The following MPPED1 variants were observed in gnomAD, a reference collection of about 807,000 sequenced individuals.
MPPED1 encodes the protein metallophosphoesterase domain containing 1, also known as metallophosphoesterase domain-containing protein 1.
In MPPED1, 16 loss-of-function variants were observed where a neutral mutation model predicts 36.2. That is an observed-to-expected ratio of 0.44 (90% CI 0.30 to 0.67). MPPED1 has a LOEUF of 0.67. Ranked by LOEUF, MPPED1 falls within the 30% of genes least tolerant of loss-of-function variation. The pLI is 0.10. For synonymous variants in MPPED1, 199 were observed against 191.3 expected (o/e 1.04, Z -0.33); for missense variants, 307 against 453.4 (o/e 0.68, Z 2.93).
chr22:43,484,448 G>A (rs1931847492), intron 4 of MPPED1, among the ~76,000 whole-genome samples: 1 of 152,184 alleles, frequency 6.6e-6, no homozygotes, highest in Non-Finnish European at 1.5e-5. Flanking sequence ...TGTTCTGGCA[G>A]CTGTTGCCTG....
chr22:43,415,885 G>A (rs1929062486), intron 1 of MPPED1, among the ~76,000 whole-genome samples: 2 of 152,216 alleles, frequency 1.3e-5, no homozygotes, highest in African/African-American at 4.8e-5. Context: ...TGCACACGAA[G>A]AGACTTTTGG....
chr22:43,412,849 T>G (rs1028593858), intron 1 of MPPED1, among the ~76,000 whole-genome samples: 1 of 152,248 alleles, frequency 6.6e-6, no homozygotes, highest in African/African-American at 2.4e-5. Flanking sequence ...GTGTTTGTTC[T>G]GGGACATGTT....
At chr22:43,425,753 G>C (rs1929446063) in intron 2 of MPPED1, among the ~76,000 whole-genome samples, 2 of 152,222 alleles carry the variant, frequency 1.3e-5, no homozygotes, top group African/African-American at 4.8e-5. Flanking sequence ...CCTTCCTTTT[G>C]TCCAGACCCT....
chr22:43,415,495 A>G (rs1456426950), intron 1 of MPPED1, among the ~76,000 whole-genome samples: 2 of 141,182 alleles, frequency 1.4e-5, no homozygotes, highest in Admixed American at 7.7e-5. Flanking sequence ...GCCCAATTTC[A>G]TAAAAAAATC....
At chr22:43,441,407 C>T (rs566391095) in intron 3 of MPPED1, among the ~76,000 whole-genome samples, 3 of 152,330 alleles carry the variant, frequency 2.0e-5, no homozygotes, top group African/African-American at 7.2e-5. Context: ...GCCTACTGGC[C>T]TCCCTTCCTC....
intron 3 of MPPED1, among the ~76,000 whole-genome samples, chr22:43,444,856 C>G (rs1930280660): frequency 6.6e-6 from 1 of 152,046 alleles, no homozygotes; most frequent in East Asian, 1.9e-4. Context: ...TTGTTTATAT[C>G]TCATTTTGTG....
At chr22:43,439,013 C>T (rs905975628) in intron 3 of MPPED1, among the ~76,000 whole-genome samples, 21 of 152,222 alleles carry the variant, frequency 1.4e-4, no homozygotes, top group African/African-American at 4.8e-4. Context: ...TTCTGGGAGC[C>T]ACCTCCAGAC....
intron 3 of MPPED1, among the ~76,000 whole-genome samples, chr22:43,457,473 T>C (rs926221327): frequency 6.6e-6 from 1 of 152,154 alleles, no homozygotes; most frequent in African/African-American, 2.4e-5. Context: ...ATCTCTGCCT[T>C]CTTTTGACTG....
At chr22:43,499,029 T>C (rs1435016370) in intron 5 of MPPED1, among the ~76,000 whole-genome samples, 1 of 151,580 alleles carries the variant, frequency 6.6e-6, no homozygotes, top group Non-Finnish European at 1.5e-5. Flanking sequence ...CTCTCTCCCA[T>C]GGTCATGGTG....
At chr22:43,473,600 G>C (rs1437671391) in intron 3 of MPPED1, among the ~76,000 whole-genome samples, 1 of 152,186 alleles carries the variant, frequency 6.6e-6, no homozygotes, top group Non-Finnish European at 1.5e-5. Flanking sequence ...AGGGCTTACA[G>C]GTACCATCTT....
intron 4 of MPPED1, among the ~76,000 whole-genome samples, chr22:43,485,121 C>T (rs1183916297): frequency 1.3e-5 from 2 of 152,052 alleles, no homozygotes; most frequent in Non-Finnish European, 2.9e-5. Flanking sequence ...CATGTACACA[C>T]AATATCATGT....
At chr22:43,441,381 G>T (rs1302519627) in intron 3 of MPPED1, among the ~76,000 whole-genome samples, 1 of 152,132 alleles carries the variant, frequency 6.6e-6, no homozygotes, top group Non-Finnish European at 1.5e-5. Context: ...AGCTGCTGTG[G>T]GTGCTCTGTG....
intron 3 of MPPED1, among the ~76,000 whole-genome samples, chr22:43,449,364 G>C (rs1930476922): frequency 6.6e-6 from 1 of 152,178 alleles, no homozygotes; most frequent in Admixed American, 6.5e-5. Flanking sequence ...AGGTCTCCAG[G>C]GCAGGGATCT....
At chr22:43,476,726 C>T (rs1030431840) in intron 4 of MPPED1, among the ~76,000 whole-genome samples, 2 of 152,124 alleles carry the variant, frequency 1.3e-5, no homozygotes, top group African/African-American at 4.8e-5. Context: ...TCACGATGTA[C>T]AGGGTCTTGG....
intron 3 of MPPED1, among the ~76,000 whole-genome samples, chr22:43,456,025 T>C (rs1016550494): frequency 9.9e-5 from 15 of 152,244 alleles, no homozygotes; most frequent in African/African-American, 3.6e-4. Flanking sequence ...TTGTAGCTTG[T>C]GGTGGCTGTT....
At chr22:43,442,636 G>C (rs1159702857) in intron 3 of MPPED1, among the ~76,000 whole-genome samples, 1 of 152,190 alleles carries the variant, frequency 6.6e-6, no homozygotes, top group Admixed American at 6.5e-5. Context: ...CAGGCCTCAT[G>C]CTGGCTCTGT....
intron 1 of MPPED1, chr22:43,418,193 C>A (rs1238573804): frequency 2.2e-6 from 1 of 456,120 alleles, no homozygotes; most frequent in Admixed American, 2.3e-5. Flanking sequence ...CAAACGAGAG[C>A]ACTTTCGAGA....
chr22:43,413,893 C>T (rs1928991157), intron 1 of MPPED1, among the ~76,000 whole-genome samples: 1 of 152,276 alleles, frequency 6.6e-6, no homozygotes, highest in East Asian at 1.9e-4. Context: ...ATTTATTTCT[C>T]GGCCCCAGGA....
intron 3 of MPPED1, among the ~76,000 whole-genome samples, chr22:43,454,811 A>C (rs1479398297): frequency 6.6e-6 from 1 of 152,180 alleles, no homozygotes; most frequent in Non-Finnish European, 1.5e-5. Context: ...TCAGCCTCCC[A>C]GAGTGCTGGG....
Sources: gnomAD v4.1 joint callset for allele counts (sites outside exome capture counted in the v4.1 genomes callset) on GRCh38, gnomAD v4.1.1 for gene constraint, MANE v1.5 for transcripts, NCBI Gene and HGNC (gene_info 2026-07-23, HGNC 2026-07-21) for gene names.